C8orf74: variants seen among roughly 807,000 people sequenced by gnomAD.
The protein encoded by C8orf74 is uncharacterized protein C8orf74.
C8orf74 carries 29 observed loss-of-function variants against 22.2 expected under a neutral mutation model. The ratio of observed to expected loss-of-function variants is 1.31; its 90% CI spans 0.97 to 1.78. The LOEUF (loss-of-function observed/expected upper bound fraction) is 1.78, where lower values mean the gene tolerates loss of function less well. Among genes scored for constraint, C8orf74 ranks in the 40% most tolerant of loss-of-function variants. The pLI is 0.00. For missense variants in C8orf74, 515 were observed against 369.9 expected, an observed-to-expected ratio of 1.39 and a Z score of -3.22; for synonymous variants, 255 against 163.1, an observed-to-expected ratio of 1.56 and a Z score of -4.30.
At chr8:10,692,594 C>T (rs1220705491) in intron 2 of C8orf74, 1 of 152,314 alleles carries the variant, frequency 6.6e-6, no homozygotes, top group Non-Finnish European at 1.5e-5. Context: ...GTAGCCTTGA[C>T]CTCCTGGGCT....
rs1001437521 is a variant in C8orf74 at position 10,700,402 on chromosome 8, C to T, written c.816C>T (p.His272=). Residue 272 remains histidine, a synonymous_variant, in exon 4 of 4, where the codon CAC becomes CAT. Transcript: ENST00000304519. The part of the protein sequence containing the change: ...PTPIPPPITS[H]AGQEEALKPQ... ...CTATCCCGCCCCCCATCACCAGCCA[C>T]GCAGGCCAGGAGGAAGCCCTGAAGC... The T allele has an allele frequency of 2.3e-5, 37 of 1,611,896 alleles. No homozygotes were observed. Among genetic ancestry groups the T allele is most frequent in the Admixed American group, 1.5e-4 (9 of 59,832 alleles).
At chr8:10,681,222 C>T (rs932941632) in intron 2 of C8orf74, among the ~76,000 whole-genome samples, 3 of 151,984 alleles carry the variant, frequency 2.0e-5, no homozygotes, top group Non-Finnish European at 2.9e-5. Flanking sequence ...GCCTGGCAAA[C>T]GCCTCTCCAG....
At chr8:10,678,722 C>A (rs1275702220) in intron 2 of C8orf74, among the ~76,000 whole-genome samples, 2 of 152,154 alleles carry the variant, frequency 1.3e-5, no homozygotes, top group East Asian at 3.9e-4. Flanking sequence ...CTCCTGACAG[C>A]CATGCCAGGC....
chr8:10,674,512 C>T (rs1798986352), intron 1 of C8orf74, 134 bp from the exon 2 acceptor site: 1 of 136,232 alleles, frequency 7.3e-6, no homozygotes, highest in South Asian at 3.1e-4. Flanking sequence ...CCATATCATG[C>T]CCTGCAACCC....
At chr8:10,690,722 G>A in intron 2 of C8orf74, 1 of 374,896 alleles carries the variant, frequency 2.7e-6, no homozygotes, top group South Asian at 1.9e-5. Flanking sequence ...CGGGTATGAG[G>A]GCCCAAGGAA....
chr8:10,674,612 T>C, intron 1 of C8orf74, 34 bp from the exon 2 acceptor site: 1 of 1,440,994 alleles, frequency 6.9e-7, no homozygotes, highest in Non-Finnish European at 9.3e-7. Flanking sequence ...AACCCCCACA[T>C]CATACCCTGC....
intron 2 of C8orf74, among the ~76,000 whole-genome samples, chr8:10,683,012 G>C (rs1367636484): frequency 6.6e-6 from 1 of 152,242 alleles, no homozygotes. Flanking sequence ...TTGAACCCAG[G>C]TCAGCATCCA....
In C8orf74 at chr8:10,693,309, T is replaced by G. The variant is rs535820540; in HGVS notation, c.242-4290T>G. Among the ~76,000 whole-genome samples, 5 of 152,232 alleles carry G rather than the reference T, an allele frequency of 3.3e-5. No homozygotes were observed. The East Asian group carries it at 9.7e-4, about 29-fold the overall frequency. On this transcript the variant is annotated intron_variant, in intron 2 of 3. Coordinates refer to ENST00000304519, the MANE Select transcript of C8orf74 (RefSeq NM_001040032.2). ...CCCCTCTGACCCAGTACATCCCAGC[T>G]CCTTTACTGCCTCCTCAGGGAAGCC... is the stretch of plus-strand genomic sequence containing the variant.
Position 10,700,269 on chromosome 8 carries a change from C to A in C8orf74, c.683C>A (p.Thr228Asn), listed in dbSNP as rs745555031. ...LESLICQAVH[T>N]QMELLQELLQ... Reference sequence around the variant, plus strand: ...AGCCTCATCTGCCAGGCAGTCCACACCCAGATGGAGCTCCTGCAGGAGCTG... The same window carrying A: ...AGCCTCATCTGCCAGGCAGTCCACAACCAGATGGAGCTCCTGCAGGAGCTG... Residue 228 changes from threonine (T) to asparagine (N), a missense_variant, in exon 4 of 4, where the codon ACC becomes AAC. Thr to Asn is a moderately conservative substitution (Grantham distance 65). Transcript: ENST00000304519. 6.2e-7 allele frequency: 1 copy of A among 1,612,518 alleles called. No homozygotes were observed. Among genetic ancestry groups the A allele is most frequent in the Non-Finnish European group, 8.5e-7 (1 of 1,178,776 alleles).
intron 2 of C8orf74, among the ~76,000 whole-genome samples, chr8:10,696,341 C>T (rs1428645068): frequency 4.6e-5 from 7 of 152,008 alleles, no homozygotes; most frequent in Non-Finnish European, 1.0e-4. Context: ...ATAATATTTT[C>T]CCAACTCTGC....
At chr8:10,682,476 G>A (rs913068128) in intron 2 of C8orf74, among the ~76,000 whole-genome samples, 1 of 152,138 alleles carries the variant, frequency 6.6e-6, no homozygotes. Context: ...TCTCTCCTTG[G>A]CTTGTGGACA....
chr8:10,693,845 G>C (rs182942753), intron 2 of C8orf74, among the ~76,000 whole-genome samples: 2 of 152,336 alleles, frequency 1.3e-5, no homozygotes, highest in Admixed American at 6.5e-5. Flanking sequence ...CCAGAAGACA[G>C]AGCCCTGGCT....
chr8:10,699,058 T>G (rs1586056590), intron 3 of C8orf74, among the ~76,000 whole-genome samples: 1 of 152,100 alleles, frequency 6.6e-6, no homozygotes, highest in Admixed American at 6.5e-5. Flanking sequence ...CACGAAGACA[T>G]TCAATAAAGA....
At chr8:10,690,888 T>C (rs182090125) in intron 2 of C8orf74, 197 of 456,046 alleles carry the variant, frequency 4.3e-4, no homozygotes, top group African/African-American at 2.7e-3. Flanking sequence ...CTCCAGGGGC[T>C]TGGGGACCAT....
intron 2 of C8orf74, chr8:10,692,885 C>G (rs1156930433): frequency 6.6e-6 from 1 of 152,218 alleles, no homozygotes; most frequent in Non-Finnish European, 1.5e-5. Flanking sequence ...CAGAAAAGAC[C>G]GCCTCTCGCT....
At chr8:10,694,135 C>A (rs1799440759) in intron 2 of C8orf74, among the ~76,000 whole-genome samples, 1 of 152,134 alleles carries the variant, frequency 6.6e-6, no homozygotes, top group South Asian at 2.1e-4. Flanking sequence ...GTTCACCCAA[C>A]TCTGTTCCTC....
intron 2 of C8orf74, among the ~76,000 whole-genome samples, chr8:10,687,947 T>G (rs1799295373): frequency 6.6e-6 from 1 of 152,176 alleles, no homozygotes; most frequent in African/African-American, 2.4e-5. Context: ...GGCTCACACC[T>G]GTAATCCCAG....
At position 10,697,691 on chromosome 8, in the gene C8orf74, G is replaced by C; in HGVS notation, c.334G>C (p.Asp112His). 2 of 1,613,958 alleles carry C rather than the reference G, an allele frequency of 1.2e-6. No individual in the cohort carries two copies. The highest frequency in any genetic ancestry group is 1.7e-6 in the Non-Finnish European group (2 of 1,179,890). Residue 112 changes from aspartate (D) to histidine (H), a missense_variant, in exon 3 of 4, where the codon GAC becomes CAC. Physicochemically the swap from Asp to His is moderately conservative, Grantham distance 81. Transcript: ENST00000304519. ...FNTTHLLALC[D>H]YFHHTFIRHY... ...CACCACCCACCTGCTGGCCCTCTGT[G>C]ACTACTTCCACCACACCTTCATCCG...
chr8:10,693,065 C>A (rs768821835), intron 2 of C8orf74: 2 of 152,272 alleles, frequency 1.3e-5, no homozygotes, highest in Admixed American at 1.3e-4. Context: ...GGAGTGGGAC[C>A]CCTGTAGGGC....
Sources: gnomAD v4.1 joint callset for allele counts (sites outside exome capture counted in the v4.1 genomes callset) on GRCh38, gnomAD v4.1.1 for gene constraint, MANE v1.5 for transcripts, NCBI Gene and HGNC (gene_info 2026-07-23, HGNC 2026-07-21) for gene names.